SPAG1: variants seen among roughly 807,000 people sequenced by gnomAD.
SPAG1 encodes the protein sperm associated antigen 1.
Under a neutral mutation model 100.5 loss-of-function variants are expected in SPAG1, and 69 were observed. The ratio of observed to expected loss-of-function variants is 0.69; its 90% confidence interval spans 0.57 to 0.84. The LOEUF (loss-of-function observed/expected upper bound fraction) is 0.84. SPAG1 is among the 40% of genes least tolerant of loss of function. The pLI is 0.00. For missense variants in SPAG1, 955 were observed against 1,133.1 expected (o/e 0.84, Z 2.26); for synonymous variants, 336 against 411.6 (o/e 0.82, Z 2.22).
At chr8:100,237,835 C>T (rs779656287) in intron 16 of SPAG1, among the ~76,000 whole-genome samples, 10 of 152,092 alleles carry the variant, frequency 6.6e-5, no homozygotes, top group Admixed American at 1.3e-4. Flanking sequence ...AGAGACTTTC[C>T]GGATTCATGA....
At chr8:100,193,773 G>A (rs576437222) in intron 9 of SPAG1, among the ~76,000 whole-genome samples, 15 of 152,184 alleles carry the variant, frequency 9.9e-5, no homozygotes, top group Admixed American at 4.6e-4. Context: ...AACAAACAGC[G>A]TATGTAGCAT....
intron 2 of SPAG1, 57 bp downstream of exon 2, chr8:100,162,477 T>A (rs1448605884): frequency 7.4e-7 from 1 of 1,349,544 alleles, no homozygotes; most frequent in Non-Finnish European, 1.0e-6. Flanking sequence ...TATCTTGTTG[T>A]TACCTTCTAA....
intron 14 of SPAG1, among the ~76,000 whole-genome samples, chr8:100,230,653 C>T (rs557494744): frequency 1.8e-4 from 27 of 152,226 alleles, no homozygotes; most frequent in African/African-American, 6.0e-4. Flanking sequence ...GATGGGGTTT[C>T]GCTCTTGTTG....
Position 100,241,152 on chromosome 8 carries a change from A to T in SPAG1, c.*130A>T, listed in dbSNP as rs1218860775. ...TTTGGTCTGCACTATAAAACATTTT[A>T]CTTATTTTCCTACATAGAACATGTA... On this transcript the variant is annotated 3_prime_UTR_variant, in exon 19 of 19. Transcript: ENST00000388798. This position sits in a 1 kb window ranked among gnomAD's most constrained non-coding sequence, Gnocchi z 5.1. The T allele has an allele frequency of 2.6e-6, 2 of 755,994 alleles. No homozygotes were observed. Among genetic ancestry groups the T allele is most frequent in the Non-Finnish European group, 4.1e-6 (2 of 493,204 alleles). 46.8% of individuals were successfully genotyped at this position (755,994 alleles called of 1,614,324 possible).
intron 16 of SPAG1, among the ~76,000 whole-genome samples, chr8:100,234,223 A>AT (rs1818902206): frequency 6.6e-6 from 1 of 152,190 alleles, no homozygotes. Context: ...TTTAAGCTCA[A>AT]TTTTATTAAG....
chr8:100,213,460 C>A, intron 11 of SPAG1, 32 bp downstream of exon 11: 2 of 1,368,988 alleles, frequency 1.5e-6, no homozygotes, highest in Non-Finnish European at 1.9e-6. Context: ...GCTTCCTGGG[C>A]CCCTCGCGCT....
Position 100,235,392 on chromosome 8 carries a change from A to AG in SPAG1, c.2115+1859dup, listed in dbSNP as rs143984514. The stretch of plus-strand genomic sequence containing the variant: ...GTAGTTCAGCCCATAACAGAAGGGA[A>AG]GGGGCCAATTCAAGGGTTTATGGTA... On this transcript the variant is annotated intron_variant, in intron 16 of 18. Coordinates refer to ENST00000388798, the MANE Select transcript of SPAG1 (RefSeq NM_003114.5). 5.1e-3 allele frequency among the ~76,000 whole-genome samples: 769 copies of AG among 152,248 alleles called. 10 individuals are homozygous for AG. The highest frequency in any genetic ancestry group is 0.018 in the African/African-American group (753 of 41,522).
intron 16 of SPAG1, 135 bp downstream of exon 16, chr8:100,233,672 T>G: frequency 8.6e-6 from 7 of 812,514 alleles, no homozygotes; most frequent in South Asian, 4.3e-5. Flanking sequence ...TACTAACCAG[T>G]TCTAAAACCT....
At chr8:100,224,635 A>C (rs1818427066) in intron 13 of SPAG1, among the ~76,000 whole-genome samples, 1 of 152,224 alleles carries the variant, frequency 6.6e-6, no homozygotes, top group Non-Finnish European at 1.5e-5. Context: ...AACACATGTA[A>C]GTGTTTTGAG....
intron 12 of SPAG1, among the ~76,000 whole-genome samples, chr8:100,215,023 A>G (rs1156630489): frequency 9.5e-5 from 6 of 63,442 alleles, no homozygotes; most frequent in Non-Finnish European, 1.6e-4. Flanking sequence ...ATATATATAT[A>G]TATATATATA....
chr8:100,216,709 G>T (rs982467719), intron 12 of SPAG1, among the ~76,000 whole-genome samples: 2 of 152,184 alleles, frequency 1.3e-5, no homozygotes, highest in African/African-American at 4.8e-5. Flanking sequence ...AAGAGAAATG[G>T]AGATGAGGCC....
chr8:100,205,890 A>G (rs1333117242), intron 10 of SPAG1, among the ~76,000 whole-genome samples: 1 of 151,740 alleles, frequency 6.6e-6, no homozygotes. Context: ...ATGGTGGTGC[A>G]TGCCTGTAGT....
chr8:100,161,477 G>A (rs1282560961), intron 1 of SPAG1, among the ~76,000 whole-genome samples: 1 of 152,178 alleles, frequency 6.6e-6, no homozygotes, highest in African/African-American at 2.4e-5. Flanking sequence ...TTAAAAGCCA[G>A]TGCCCTTATA....
chr8:100,227,270 A>C (rs1007463122), intron 14 of SPAG1, among the ~76,000 whole-genome samples: 4 of 152,234 alleles, frequency 2.6e-5, no homozygotes, highest in Non-Finnish European at 4.4e-5. Context: ...TGAGTGTAGT[A>C]AGTAAGCATT....
rs73280969 is a variant in SPAG1 at position 100,229,670 on chromosome 8, T to C, written c.1856-1486T>C. Among the ~76,000 whole-genome samples the C allele has an allele frequency of 5.1e-3, 773 of 152,336 alleles. 10 individuals carry two copies. The highest frequency in any genetic ancestry group is 0.018 in the African/African-American group (754 of 41,570). ...GAGAGGGGTGATAGCTGAATGAATA[T>C]TGAGGTCCTGGAAACAGATTCTGAG... On this transcript the variant is annotated intron_variant, in intron 14 of 18. Transcript: ENST00000388798.
chr8:100,165,203 T>C, intron 2 of SPAG1: 3 of 494,662 alleles, frequency 6.1e-6, no homozygotes, highest in Non-Finnish European at 1.2e-5. Flanking sequence ...GGTAATTGTA[T>C]GTTCCAAGCA....
chr8:100,225,206 A>G lies in SPAG1; in HGVS notation c.1722A>G (p.Pro574=). Residue 574 remains proline, a synonymous_variant, in exon 14 of 19, where the codon CCA becomes CCG. Coordinates refer to ENST00000388798, the MANE Select transcript of SPAG1 (RefSeq NM_003114.5). ...LSRILMELDG[P]NWREKLSPIP... ...GAATTTTAATGGAGCTGGATGGACCAAATTGGCGGGAGAAGCTGTCACCTA... is the reference window on the plus strand; with the variant it reads ...GAATTTTAATGGAGCTGGATGGACCGAATTGGCGGGAGAAGCTGTCACCTA... 1 of 1,613,996 alleles carries G rather than the reference A, an allele frequency of 6.2e-7. No individual in the cohort carries two copies. Among genetic ancestry groups the G allele is most frequent in the Non-Finnish European group, 8.5e-7 (1 of 1,179,930 alleles).
intron 7 of SPAG1, 76 bp downstream of exon 7, chr8:100,184,809 T>C: frequency 1.2e-6 from 1 of 809,344 alleles, no homozygotes; most frequent in Non-Finnish European, 2.0e-6. Flanking sequence ...ACAATATAAA[T>C]AAGCGAAAGT....
Position 100,240,554 on chromosome 8 carries a change from A to C in SPAG1, c.2432A>C (p.Gln811Pro), listed in dbSNP as rs1240134319. The change falls in exon 18 of 19, where the codon CAG becomes CCG. Residue 811 changes from glutamine to proline, a missense_variant. By Grantham distance (76) the Gln-to-Pro change is moderately conservative. Transcript: ENST00000388798. Reference sequence around the variant, plus strand: ...CCTAATAATGCCTATGAATTTGGTCAGATTATAAATGCTCTCAGTACCAGG... The same window carrying C: ...CCTAATAATGCCTATGAATTTGGTCCGATTATAAATGCTCTCAGTACCAGG... Reference protein sequence around the residue: ...AKPNNAYEFGQIINALSTRKD... With the variant: ...AKPNNAYEFGPIINALSTRKD... The C allele has an allele frequency of 1.9e-6, 3 of 1,614,036 alleles. No individual in the cohort carries two copies. Among genetic ancestry groups the C allele is most frequent in the Non-Finnish European group, 2.5e-6 (3 of 1,180,012 alleles).
Sources: gnomAD v4.1 joint callset for allele counts (sites outside exome capture counted in the v4.1 genomes callset) on GRCh38, gnomAD v4.1.1 for gene constraint, Gnocchi (gnomAD v3.1) non-coding constraint, MANE v1.5 for transcripts, NCBI Gene and HGNC (gene_info 2026-07-23, HGNC 2026-07-21) for gene names.